The following KALRN variants were observed in gnomAD, a reference collection of about 807,000 sequenced individuals.
The protein encoded by KALRN is kalirin.
In KALRN, 70 loss-of-function variants were observed where a neutral mutation model predicts 353.7. The ratio of observed to expected loss-of-function variants is 0.20; its 90% CI spans 0.16 to 0.24. KALRN has a LOEUF of 0.24. KALRN is among the 10% of genes least tolerant of loss of function. The pLI is 1.00. For synonymous variants in KALRN, 1,391 were observed against 1,434.8 expected (o/e 0.97, Z 0.69); for missense variants, 2,791 against 3,756.7 (o/e 0.74, Z 6.72).
chr3:124,208,489 C>T (rs991105734), intron 1 of KALRN, among the ~76,000 whole-genome samples: 8 of 152,134 alleles, frequency 5.3e-5, no homozygotes, highest in African/African-American at 1.7e-4. Flanking sequence ...GATAGCTCAA[C>T]TAAACCTAGC....
intron 45 of KALRN, among the ~76,000 whole-genome samples, chr3:124,665,776 T>A (rs1490760493): frequency 1.3e-5 from 2 of 152,212 alleles, no homozygotes; most frequent in Non-Finnish European, 2.9e-5. Context: ...GAGTCATTTT[T>A]AGAAGAATCA....
intron 1 of KALRN, among the ~76,000 whole-genome samples, chr3:124,141,161 C>T (rs1034346578): frequency 2.0e-5 from 3 of 152,190 alleles, no homozygotes; most frequent in Non-Finnish European, 4.4e-5. Context: ...ATCCCTAATT[C>T]AGACTCTCTT....
chr3:124,584,668 A>C lies in KALRN; in HGVS notation c.5182+21579A>C, dbSNP rs2074947919. The C allele has an allele frequency of 4.2e-6, 6 of 1,421,972 alleles. 1 individual carries two copies. The highest frequency in any genetic ancestry group is 5.5e-6 in the Non-Finnish European group (6 of 1,095,018). The allele number at this position is 1,421,972 out of a possible 1,614,324, so 88.1% of individuals were successfully genotyped here. Reference sequence around the variant, plus strand: ...GCTTCCCAAGGTGGCAGTGGCTCCCAGTAAGTCAGAGCTGCGGCCGCGGTG... The same window carrying C: ...GCTTCCCAAGGTGGCAGTGGCTCCCCGTAAGTCAGAGCTGCGGCCGCGGTG... On this transcript the variant is annotated intron_variant, in intron 34 of 59. Coordinates refer to ENST00000682506, the MANE Select transcript of KALRN (RefSeq NM_001388419.1).
intron 6 of KALRN, among the ~76,000 whole-genome samples, chr3:124,320,819 C>T (rs762265627): frequency 2.7e-4 from 41 of 152,184 alleles, no homozygotes; most frequent in Non-Finnish European, 5.9e-4. Flanking sequence ...GGCTCCAGAC[C>T]TTTAACTCCT....
At chr3:124,367,395 G>A (rs1303898951) in intron 10 of KALRN, among the ~76,000 whole-genome samples, 1 of 44,558 alleles carries the variant, frequency 2.2e-5, no homozygotes, top group East Asian at 1.3e-3. Flanking sequence ...CGGACGGGGC[G>A]GCTGGCCGGG....
chr3:124,074,880 T>C (rs1452289201), intron 1 of KALRN, among the ~76,000 whole-genome samples: 2 of 152,238 alleles, frequency 1.3e-5, no homozygotes, highest in Admixed American at 1.3e-4. Flanking sequence ...TTTTTCCTGT[T>C]GCATTGTTAT....
chr3:124,580,595 A>G (rs1446627057), intron 34 of KALRN, among the ~76,000 whole-genome samples: 1 of 152,190 alleles, frequency 6.6e-6, no homozygotes, highest in African/African-American at 2.4e-5. Flanking sequence ...AACCCTCTCA[A>G]CTAATAAACC....
At chr3:124,643,048 C>T (rs1206246732) in intron 37 of KALRN, among the ~76,000 whole-genome samples, 2 of 151,952 alleles carry the variant, frequency 1.3e-5, no homozygotes, top group Non-Finnish European at 2.9e-5. Flanking sequence ...AACTCTCAAC[C>T]TCACGTGATC....
rs182006779 is a variant in KALRN, at chr3:124,412,553, T to C, written c.2347-917T>C. Among the ~76,000 whole-genome samples, 366 of 152,310 alleles carry C rather than the reference T, an allele frequency of 2.4e-3. 13 individuals are homozygous for C. In the South Asian group the frequency reaches 0.051, roughly 21 times the overall value. ...TCAGTACTTCTGACTTCCTAGTCTG[T>C]GGATGATTGCAGAGATTGTAAAGGA... On this transcript the variant is annotated intron_variant, in intron 13 of 59. Transcript: ENST00000682506.
At chr3:124,077,213 A>C (rs1467224963) in intron 1 of KALRN, among the ~76,000 whole-genome samples, 2 of 152,148 alleles carry the variant, frequency 1.3e-5, no homozygotes, top group Non-Finnish European at 2.9e-5. Flanking sequence ...CTGGGTGGAC[A>C]TGGTTGTGTG....
intron 1 of KALRN, among the ~76,000 whole-genome samples, chr3:124,050,232 G>A (rs978685425): frequency 3.3e-5 from 5 of 152,090 alleles, no homozygotes; most frequent in African/African-American, 1.2e-4. Context: ...CCTACTTTTT[G>A]CCTATGCGGT....
rs1198320435 is a variant in KALRN, at chr3:124,430,730, A to C, written c.2784A>C (p.Ala928=). 1 of 1,614,052 alleles carries C rather than the reference A, an allele frequency of 6.2e-7. No homozygotes were observed. Among genetic ancestry groups the C allele is most frequent in the East Asian group, 2.2e-5 (1 of 44,872 alleles). Residue 928 remains alanine, a synonymous_variant, in exon 16 of 60, where the codon GCA becomes GCC. Coordinates refer to ENST00000682506, the MANE Select transcript of KALRN (RefSeq NM_001388419.1). ...TCAATGCCAGCTCTTTGTCGGAAGC[A>C]GAGCAGCTGCAGCGGGAGCACGAGC... ...SLVNASSLSE[A]EQLQREHEQF...
At chr3:124,474,811 A>C in intron 26 of KALRN, 79 bp downstream of exon 26, 1 of 1,111,784 alleles carries the variant, frequency 9.0e-7, no homozygotes, top group Non-Finnish European at 1.4e-6. Flanking sequence ...GACTGGAGTC[A>C]TTGCCAGTCT....
chr3:124,050,044 A>G (rs775107378), intron 1 of KALRN, among the ~76,000 whole-genome samples: 2 of 152,064 alleles, frequency 1.3e-5, no homozygotes, highest in Non-Finnish European at 2.9e-5. Flanking sequence ...GTCTGGGTGC[A>G]TAGAGGTGTT....
At chr3:124,306,520 A>G (rs2077716713) in intron 6 of KALRN, among the ~76,000 whole-genome samples, 1 of 152,122 alleles carries the variant, frequency 6.6e-6, no homozygotes, top group Admixed American at 6.5e-5. Context: ...ACCAACTGCT[A>G]TGCATAATGG....
intron 1 of KALRN, among the ~76,000 whole-genome samples, chr3:124,077,881 C>G (rs570069533): frequency 8.5e-5 from 13 of 152,366 alleles, no homozygotes; most frequent in African/African-American, 3.1e-4. Flanking sequence ...CATCCCAGCT[C>G]TGCCACTTAT....
chr3:124,067,120 C>T (rs569113661), intron 1 of KALRN, among the ~76,000 whole-genome samples: 1 of 152,216 alleles, frequency 6.6e-6, no homozygotes, highest in African/African-American at 2.4e-5. Flanking sequence ...AAAACAGTTC[C>T]CAGGAGGCAA....
At chr3:124,192,959 C>T (rs781178354) in intron 1 of KALRN, among the ~76,000 whole-genome samples, 3 of 152,162 alleles carry the variant, frequency 2.0e-5, no homozygotes, top group Non-Finnish European at 1.5e-5. Context: ...GCATTGTTTG[C>T]CTTGAGTTAA....
At chr3:124,461,658 A>G (rs1375144867) in intron 23 of KALRN, among the ~76,000 whole-genome samples, 1 of 152,140 alleles carries the variant, frequency 6.6e-6, no homozygotes, top group Non-Finnish European at 1.5e-5. Context: ...GACCTAGCTG[A>G]GCACAAACCT....
Sources: gnomAD v4.1 joint callset for allele counts (sites outside exome capture counted in the v4.1 genomes callset) on GRCh38, gnomAD v4.1.1 for gene constraint, MANE v1.5 for transcripts, NCBI Gene and HGNC (gene_info 2026-07-23, HGNC 2026-07-21) for gene names.